The following SH3TC2 variants were observed in gnomAD, a reference collection of about 807,000 sequenced individuals.
SH3TC2 encodes the protein SH3 domain and tetratricopeptide repeats 2.
Under a neutral mutation model 124.5 loss-of-function variants are expected in SH3TC2, and 87 were observed. That is an observed-to-expected ratio of 0.70 (90% confidence interval 0.59 to 0.84). SH3TC2 has a LOEUF of 0.84. SH3TC2 is among the 40% of genes least tolerant of loss of function. The pLI is 0.00. For synonymous variants in SH3TC2, 634 were observed against 628.5 expected (o/e 1.01, Z -0.13); for missense variants, 1,536 against 1,566.4 (o/e 0.98, Z 0.33).
intron 1 of SH3TC2, among the ~76,000 whole-genome samples, chr5:149,060,931 G>A (rs181274287): frequency 7.2e-5 from 11 of 152,310 alleles, no homozygotes; most frequent in African/African-American, 2.6e-4. Flanking sequence ...TCCAGGATGG[G>A]TCTCATACTT....
rs562967549 is a variant in SH3TC2, at chr5:149,063,012, C to A, written c.11G>T (p.Cys4Phe). The A allele has an allele frequency of 5.6e-6, 9 of 1,601,176 alleles. No homozygotes were observed. The highest frequency in any genetic ancestry group is 2.2e-5 in the East Asian group (1 of 44,466). Reference sequence around the variant, plus strand: ...ACTCCGCTCCCTGGGGATGCAGAAGCAGCCACCCATGTGTGTACCATCCTA... The same window carrying A: ...ACTCCGCTCCCTGGGGATGCAGAAGAAGCCACCCATGTGTGTACCATCCTA... MGG[C>F]FCIPRERSLT... Residue 4 changes from cysteine to phenylalanine, a missense_variant, in exon 1 of 17, where the codon TGC (cysteine) becomes TTC (phenylalanine). Cys to Phe is a radical substitution (Grantham distance 205, BLOSUM62 -2). Transcript: ENST00000515425.
At chr5:149,044,384 C>T (rs917758301) in intron 4 of SH3TC2, 149 bp downstream of exon 4, 10 of 654,394 alleles carry the variant, frequency 1.5e-5, no homozygotes, top group Admixed American at 5.0e-5. Context: ...TAGTTTGAGG[C>T]ACTTTGTGAA....
At chr5:149,050,928 TC>T (rs1749191775) in intron 2 of SH3TC2, among the ~76,000 whole-genome samples, 1 of 152,222 alleles carries the variant, frequency 6.6e-6, no homozygotes, top group Non-Finnish European at 1.5e-5. Flanking sequence ...GTTAACTGTG[TC>T]GTGGTGAAGT....
chr5:149,046,887 AAC>A (rs1160289388), intron 3 of SH3TC2: 1 of 152,258 alleles, frequency 6.6e-6, no homozygotes, highest in Non-Finnish European at 1.5e-5. Flanking sequence ...CATATCACCA[AAC>A]ACAATGCCAA....
At chr5:149,058,398 G>A (rs1235996768) in intron 1 of SH3TC2, among the ~76,000 whole-genome samples, 1 of 152,074 alleles carries the variant, frequency 6.6e-6, no homozygotes, top group African/African-American at 2.4e-5. Context: ...AAGTAGGTAG[G>A]CCATTTTATC....
rs201805333 is a variant in SH3TC2, at chr5:149,012,622, G to A, written c.3166C>T (p.Leu1056Phe). 309 of 1,614,062 alleles carry A rather than the reference G, an allele frequency of 1.9e-4. No homozygotes were observed. The highest frequency in any genetic ancestry group is 2.4e-4 in the Non-Finnish European group (280 of 1,180,034). Reference sequence around the variant, plus strand: ...TCCACCAGCTCGTCTTCCTGCATGAGGTAGTGGAGTCGCCCCGCCCCAAGC... The same window carrying A: ...TCCACCAGCTCGTCTTCCTGCATGAAGTAGTGGAGTCGCCCCGCCCCAAGC... ...AWLGAGRLHY[L>F]MQEDELVELC... Residue 1056 changes from leucine to phenylalanine, a missense_variant, in exon 13 of 17, where the codon CTC (leucine) becomes TTC (phenylalanine). Transcript: ENST00000515425.
Position 149,026,772 on chromosome 5 carries a change from A to G in SH3TC2, c.2873-20T>C. The G allele has an allele frequency of 6.2e-7, 1 of 1,614,232 alleles. No homozygotes were observed. The highest frequency in any genetic ancestry group is 8.5e-7 in the Non-Finnish European group (1 of 1,180,030). ...GCTGACCTGAACACAAAGCAGGGAC[A>G]TGAATGAGATGACTTGAGATAGGAA... On this transcript the variant is annotated intron_variant, in intron 11 of 16. Transcript: ENST00000515425.
At chr5:149,029,850 T>C (rs923554050) in intron 9 of SH3TC2, among the ~76,000 whole-genome samples, 2 of 151,964 alleles carry the variant, frequency 1.3e-5, no homozygotes, top group Non-Finnish European at 2.9e-5. Context: ...CTCCACAGGA[T>C]GGTAGCTGCT....
chr5:149,049,605 C>CA (rs1479143890), intron 2 of SH3TC2, among the ~76,000 whole-genome samples: 2 of 150,730 alleles, frequency 1.3e-5, no homozygotes, highest in East Asian at 1.9e-4. Context: ...TGTCTTCTGA[C>CA]AAAAAAGAAA....
At chr5:149,039,582 T>C (rs1754335718) in intron 7 of SH3TC2, among the ~76,000 whole-genome samples, 2 of 152,234 alleles carry the variant, frequency 1.3e-5, no homozygotes, top group South Asian at 4.1e-4. Context: ...GGATCTACCA[T>C]GTGTTAAATA....
chr5:149,041,015 T>C (rs1043602308), intron 6 of SH3TC2, among the ~76,000 whole-genome samples: 4 of 152,216 alleles, frequency 2.6e-5, no homozygotes, highest in Non-Finnish European at 4.4e-5. Context: ...AGTTTAATCA[T>C]ATCTTCCAGC....
Position 149,028,689 on chromosome 5 carries a change from T to G in SH3TC2, c.1165A>C (p.Asn389His), listed in dbSNP as rs1754128735. 2 of 1,614,026 alleles carry G rather than the reference T, an allele frequency of 1.2e-6. No individual in the cohort carries two copies. Among genetic ancestry groups the G allele is most frequent in the African/African-American group, 2.7e-5 (2 of 74,914 alleles). Residue 389 changes from asparagine (N) to histidine (H), a missense_variant, in exon 10 of 17, where the codon AAT becomes CAT. Asn to His is a moderately conservative substitution (Grantham distance 68). This residue lies in a region of SH3TC2 where 1,102 missense variants were observed against 1,098.6 expected (regional missense o/e 1.00). Transcript: ENST00000515425. ...SGFESIQNPP[N>H]DLSASQPEGF... is the part of the protein sequence containing the mutation. ...GATCGCTACTCACCACTCAGATCAT[T>G]TGGAGGATTCTGGATGGATTCAAAC...
intron 12 of SH3TC2, among the ~76,000 whole-genome samples, chr5:149,016,556 A>G (rs2127394299): frequency 6.6e-6 from 1 of 152,334 alleles, no homozygotes; most frequent in East Asian, 1.9e-4. Flanking sequence ...TGTGTTAGGG[A>G]TTAACATATT....
In SH3TC2 at chr5:149,063,057, G is replaced by A; in HGVS notation, c.-35C>T. The A allele has an allele frequency of 6.3e-7, 1 of 1,576,664 alleles. No homozygotes were observed. Among genetic ancestry groups the A allele is most frequent in the Non-Finnish European group, 8.6e-7 (1 of 1,159,170 alleles). On this transcript the variant is annotated 5_prime_UTR_variant, in exon 1 of 17. Transcript: ENST00000515425. ...ATCCTACCCTGGCCGAGGCCCTTGG[G>A]AACACAGGCCAGAAGAGTGCTGCAA...
Position 149,062,990 on chromosome 5 carries a change from C to A in SH3TC2, c.33G>T (p.Arg11=). The part of the protein sequence containing the change: MGGCFCIPRE[R]SLTRGPGKET... Reference sequence around the variant, plus strand: ...ACTCACCTGGGCCCCGGGTCAGACTCCGCTCCCTGGGGATGCAGAAGCAGC... The same window carrying A: ...ACTCACCTGGGCCCCGGGTCAGACTACGCTCCCTGGGGATGCAGAAGCAGC... The change falls in exon 1 of 17, where the codon CGG becomes CGT. Residue 11 remains arginine (R), a synonymous_variant. Transcript: ENST00000515425. 1.3e-6 allele frequency: 2 copies of A among 1,598,812 alleles called. No homozygotes were observed. The highest frequency in any genetic ancestry group is 1.7e-6 in the Non-Finnish European group (2 of 1,172,274).
At chr5:149,026,213 G>A (rs1485217956) in intron 12 of SH3TC2, 4 of 288,134 alleles carry the variant, frequency 1.4e-5, no homozygotes, top group Non-Finnish European at 2.7e-5. Flanking sequence ...GTGACAGGTG[G>A]TTATAGAAAC....
chr5:149,044,167 G>A (rs779139452), intron 4 of SH3TC2: 4 of 236,782 alleles, frequency 1.7e-5, no homozygotes, highest in South Asian at 5.7e-5. Context: ...CAGCTACTTC[G>A]ATCTTACTCA....
chr5:149,017,483 C>A (rs1299302583), intron 12 of SH3TC2, among the ~76,000 whole-genome samples: 2 of 152,190 alleles, frequency 1.3e-5, no homozygotes, highest in African/African-American at 4.8e-5. Context: ...AACCTGAAGG[C>A]TGGGACAAAG....
Position 149,004,608 on chromosome 5 carries a change from A to C in SH3TC2, c.*103T>G. On this transcript the variant is annotated 3_prime_UTR_variant, in exon 17 of 17. Transcript: ENST00000515425. The stretch of plus-strand genomic sequence containing the variant: ...CTTCTTCTTGTGAAATGAGGGGGCT[A>C]GGCCAGGTAAGGACTCGGACCCTCC... 1 of 1,218,142 alleles carries C rather than the reference A, an allele frequency of 8.2e-7. No individual in the cohort carries two copies. Among genetic ancestry groups the C allele is most frequent in the Non-Finnish European group, 1.1e-6 (1 of 871,678 alleles). The allele number at this position is 1,218,142 out of a possible 1,614,324, so 75.5% of individuals were successfully genotyped here. A position where few individuals can be genotyped will look rare whatever the true frequency, so the allele number is the denominator to read the frequency against.
Sources: allele counts gnomAD v4.1 joint callset (sites outside exome capture counted in the v4.1 genomes callset), GRCh38; gene constraint gnomAD v4.1.1; regional missense constraint gnomAD v4.1.1; transcripts MANE v1.5; gene names NCBI Gene and HGNC (gene_info 2026-07-23, HGNC 2026-07-21).